The following SLC47A2 variants were observed in gnomAD, a reference collection of about 807,000 sequenced individuals.
SLC47A2 encodes solute carrier family 47 member 2.
A neutral mutation model predicts 67.7 loss-of-function variants in SLC47A2; 52 were observed. The ratio of observed to expected loss-of-function variants is 0.77; its 90% CI spans 0.61 to 0.97. SLC47A2 has a LOEUF of 0.97. Ranked by LOEUF, SLC47A2 falls within the 50% of genes least tolerant of loss-of-function variation. The pLI is 0.00. For synonymous variants in SLC47A2, 278 were observed against 292.9 expected (o/e 0.95, Z 0.52); for missense variants, 676 against 712.3 (o/e 0.95, Z 0.58).
intron 13 of SLC47A2, among the ~76,000 whole-genome samples, chr17:19,697,255 G>A (rs1266027263): frequency 6.6e-6 from 1 of 152,138 alleles, no homozygotes; most frequent in African/African-American, 2.4e-5. Context: ...CTGAGATCGT[G>A]CTACTACACT....
At chr17:19,682,668 C>G (rs186872638) in intron 13 of SLC47A2, among the ~76,000 whole-genome samples, 10 of 152,326 alleles carry the variant, frequency 6.6e-5, no homozygotes, top group African/African-American at 2.4e-4. Flanking sequence ...ATCACACCTG[C>G]AAAGTCCCAT....
At chr17:19,680,163 T>C (rs2085282657) in intron 15 of SLC47A2, 124 bp from the exon 16 acceptor site, 12 of 862,984 alleles carry the variant, frequency 1.4e-5, no homozygotes, top group Non-Finnish European at 2.1e-5. Context: ...CATGTATTCA[T>C]AGTCATGGGG....
intron 10 of SLC47A2, chr17:19,704,747 C>T (rs1455712686): frequency 6.7e-7 from 1 of 1,502,704 alleles, no homozygotes; most frequent in Non-Finnish European, 9.0e-7. Flanking sequence ...GCCCATGGCC[C>T]TGCTGGGGAC....
At position 19,713,117 on chromosome 17, in the gene SLC47A2, C is replaced by T. The variant is rs576348587; in HGVS notation, c.444-372G>A. Reference sequence around the variant, plus strand: ...TTAATAATAAACTATAGGCCGGGTGCGATGGCTCATGCCTGTAATCCCAGC... The same window carrying T: ...TTAATAATAAACTATAGGCCGGGTGTGATGGCTCATGCCTGTAATCCCAGC... On this transcript the variant is annotated intron_variant, in intron 4 of 16. Transcript: ENST00000433844. 1.1e-3 allele frequency among the ~76,000 whole-genome samples: 171 copies of T among 152,234 alleles called. 1 individual carries two copies. Among genetic ancestry groups the T allele is most frequent in the African/African-American group, 3.8e-3 (159 of 41,556 alleles).
chr17:19,685,027 G>A lies in SLC47A2; in HGVS notation c.1165-3357C>T, dbSNP rs1293129430. On this transcript the variant is annotated intron_variant, in intron 13 of 16. Coordinates refer to ENST00000433844, the MANE Select transcript of SLC47A2 (RefSeq NM_001099646.3). The surrounding 1 kb of genome is among the most constrained non-coding windows in gnomAD (Gnocchi z 4.5). ...CTCCTGACTGGTTTTTGTATTTTTG[G>A]TGGAGATGGGGTTTCGCCGTGTTGA... Among the ~76,000 whole-genome samples the A allele has an allele frequency of 6.6e-6, 1 of 152,128 alleles. No homozygotes were observed. The highest frequency in any genetic ancestry group is 1.5e-5 in the Non-Finnish European group (1 of 68,022).
intron 13 of SLC47A2, among the ~76,000 whole-genome samples, chr17:19,699,645 C>T (rs755596581): frequency 2.0e-5 from 3 of 152,134 alleles, no homozygotes; most frequent in Non-Finnish European, 4.4e-5. Flanking sequence ...TGAAATGATC[C>T]TCCCACCTCA....
intron 11 of SLC47A2, among the ~76,000 whole-genome samples, chr17:19,703,624 C>A (rs2085847666): frequency 6.6e-6 from 1 of 152,252 alleles, no homozygotes; most frequent in Admixed American, 6.5e-5. Flanking sequence ...GCCATGATGT[C>A]AGAGGACATG....
intron 13 of SLC47A2, among the ~76,000 whole-genome samples, chr17:19,690,317 A>T (rs1036255237): frequency 3.3e-5 from 5 of 152,180 alleles, no homozygotes; most frequent in Non-Finnish European, 5.9e-5. Flanking sequence ...CCATGAAACT[A>T]CTAGAAGAAG....
chr17:19,691,282 C>T (rs986226372), intron 13 of SLC47A2, among the ~76,000 whole-genome samples: 4 of 152,048 alleles, frequency 2.6e-5, no homozygotes, highest in Non-Finnish European at 4.4e-5. Context: ...ATTAGTATAG[C>T]GAAGAGATAC....
intron 13 of SLC47A2, chr17:19,702,361 T>G (rs1208654357): frequency 1.0e-6 from 1 of 985,274 alleles, no homozygotes; most frequent in Non-Finnish European, 1.2e-6. Context: ...ACTGCTGCAA[T>G]TTTTCAGTTC....
chr17:19,688,079 C>CA (rs368713251), intron 13 of SLC47A2, among the ~76,000 whole-genome samples: 4 of 151,558 alleles, frequency 2.6e-5, no homozygotes, highest in East Asian at 1.9e-4. Context: ...AAAGACACAT[C>CA]AAAAAAAAGA....
At chr17:19,704,828 T>A (rs1461135801) in intron 10 of SLC47A2, 25 of 636,548 alleles carry the variant, frequency 3.9e-5, no homozygotes, top group Middle Eastern at 4.6e-4. Flanking sequence ...TGTGCTTTTT[T>A]TTTTTTTTTT....
Position 19,715,219 on chromosome 17 carries a change from TG to T in SLC47A2, c.124-3del. On this transcript the variant is annotated splice_polypyrimidine_tract_variant and splice_region_variant and intron_variant, in intron 1 of 16. Transcript: ENST00000433844. Reference sequence around the variant, plus strand: ...AAAAGTCAGCACCTGGAACAGGAACTGGAGGACAGCGGCCAGGTCAGACTCG... The same window carrying T: ...AAAAGTCAGCACCTGGAACAGGAACTGAGGACAGCGGCCAGGTCAGACTCG... The T allele has an allele frequency of 6.2e-7, 1 of 1,608,392 alleles. No homozygotes were observed.
chr17:19,698,426 T>C (rs1597613140), intron 13 of SLC47A2, among the ~76,000 whole-genome samples: 1 of 152,178 alleles, frequency 6.6e-6, no homozygotes, highest in Admixed American at 6.5e-5. Flanking sequence ...AATATTGGCT[T>C]ACTGCAACCT....
intron 10 of SLC47A2, chr17:19,704,528 A>G: frequency 1.4e-5 from 15 of 1,036,390 alleles, no homozygotes; most frequent in Non-Finnish European, 2.1e-5. Context: ...AGCTCCCTGT[A>G]AGAAAAAAGA....
chr17:19,704,222 C>T, intron 10 of SLC47A2, 44 bp from the exon 11 acceptor site: 2 of 1,533,014 alleles, frequency 1.3e-6, no homozygotes, highest in Non-Finnish European at 1.8e-6. Context: ...GCCCACCCTC[C>T]AACCCCTGAA....
Position 19,678,623 on chromosome 17 carries a change from G to A in SLC47A2, c.*63C>T. The A allele has an allele frequency of 6.5e-7, 1 of 1,546,342 alleles. No individual in the cohort carries two copies. The highest frequency in any genetic ancestry group is 1.7e-5 in the Admixed American group (1 of 59,626). On this transcript the variant is annotated 3_prime_UTR_variant, in exon 17 of 17. Coordinates refer to ENST00000433844, the MANE Select transcript of SLC47A2 (RefSeq NM_001099646.3). Reference sequence around the variant, plus strand: ...ACCCCATTGGTGTTTTTGCAGGGCAGACCGTGGTGTGTTTGCATACTGGGG... The same window carrying A: ...ACCCCATTGGTGTTTTTGCAGGGCAAACCGTGGTGTGTTTGCATACTGGGG...
At chr17:19,709,313 G>A (rs1287134611) in intron 5 of SLC47A2, among the ~76,000 whole-genome samples, 1 of 152,202 alleles carries the variant, frequency 6.6e-6, no homozygotes, top group African/African-American at 2.4e-5. Flanking sequence ...GTACGTGGCA[G>A]TGTGTGTGTT....
intron 3 of SLC47A2, 91 bp from the exon 4 acceptor site, chr17:19,714,064 G>A (rs1024967568): frequency 1.5e-5 from 23 of 1,496,528 alleles, no homozygotes; most frequent in Non-Finnish European, 2.1e-5. Context: ...CGGCGCCAGC[G>A]GTGTGTGGCG....
Sources: allele counts gnomAD v4.1 joint callset (sites outside exome capture counted in the v4.1 genomes callset), GRCh38; gene constraint gnomAD v4.1.1; non-coding constraint Gnocchi (gnomAD v3.1); transcripts MANE v1.5; gene names NCBI Gene and HGNC (gene_info 2026-07-23, HGNC 2026-07-21).